The following ZC3H12B variants were observed in gnomAD, a reference collection of about 807,000 sequenced individuals.
ZC3H12B encodes zinc finger CCCH-type containing 12B, also known as probable ribonuclease ZC3H12B.
In ZC3H12B, 7 loss-of-function variants were observed where a neutral mutation model predicts 43.9. The observed-to-expected ratio is 0.16, with a 90% confidence interval of 0.09 to 0.30. The LOEUF (loss-of-function observed/expected upper bound fraction) is 0.30, where lower values mean the gene tolerates loss of function less well. Among genes scored for constraint, ZC3H12B ranks in the 10% least tolerant of loss-of-function variants. The probability of loss-of-function intolerance (pLI) is 1.00; values close to 1 mark genes in which losing one functional copy is unlikely to be tolerated. For missense variants in ZC3H12B, 475 were observed against 670.2 expected (o/e 0.71, Z 3.22); for synonymous variants, 222 against 241.7 (o/e 0.92, Z 0.76).
the ZC3H12B span, among the ~76,000 whole-genome samples, chrX:65,080,549 C>T: frequency 5.4e-5 from 6 of 110,976 alleles, no homozygotes. Context: ...TCAGTGGAAA[C>T]CTTACAGGCC....
chrX:65,129,698 T>G, the ZC3H12B span, among the ~76,000 whole-genome samples: 1 of 111,454 alleles, frequency 9.0e-6, no homozygotes, highest in South Asian at 3.7e-4. Flanking sequence ...CATTCCTGTC[T>G]TCTTGTATTA....
chrX:65,464,695 T>G (rs2067795156), intron 3 of ZC3H12B, among the ~76,000 whole-genome samples: 1 of 111,135 alleles, frequency 9.0e-6, no homozygotes, highest in Non-Finnish European at 1.9e-5. Context: ...TTTCTTAAGG[T>G]GAGTGGCTAG....
chrX:65,144,744 G>A, the ZC3H12B span, among the ~76,000 whole-genome samples: 4 of 111,259 alleles, frequency 3.6e-5, no homozygotes, highest in African/African-American at 1.3e-4. Flanking sequence ...TGATCATTCA[G>A]GAGCAGGTTA....
chrX:65,378,775 T>C (rs1332809606), intron 2 of ZC3H12B, among the ~76,000 whole-genome samples: 1 of 112,030 alleles, frequency 8.9e-6, no homozygotes, highest in African/African-American at 3.2e-5. Context: ...CAAAGCAGGG[T>C]GAGGCATTGC....
At chrX:65,156,425 T>C in the ZC3H12B span, among the ~76,000 whole-genome samples, 2 of 111,805 alleles carry the variant, frequency 1.8e-5, no homozygotes, top group African/African-American at 6.5e-5. Flanking sequence ...CCATCGCCCA[T>C]GCTGGAGTGC....
At chrX:65,037,308 G>A in the ZC3H12B span, among the ~76,000 whole-genome samples, 2 of 111,428 alleles carry the variant, frequency 1.8e-5, no homozygotes, top group African/African-American at 6.5e-5. Context: ...TACTTGATTT[G>A]GCTCTTAATA....
chrX:65,171,817 C>G, the ZC3H12B span, among the ~76,000 whole-genome samples: 1 of 111,448 alleles, frequency 9.0e-6, no homozygotes, highest in African/African-American at 3.3e-5. Context: ...GAGTGAGGCT[C>G]CATGGGCATG....
At chrX:65,487,484 G>A (rs187010128), upstream of ZC3H12B, among the ~76,000 whole-genome samples, 766 of 111,286 alleles carry the variant, frequency 6.9e-3, 10 homozygotes, top group African/African-American at 0.023. Context: ...AGGTTGCAGC[G>A]AGCTGAGCTC....
intron 3 of ZC3H12B, among the ~76,000 whole-genome samples, chrX:65,458,308 A>T (rs1432399844): frequency 9.1e-6 from 1 of 110,492 alleles, no homozygotes; most frequent in Non-Finnish European, 1.9e-5. Context: ...AATGAGACAG[A>T]AAGTTAACAA....
chrX:65,140,889 G>C, the ZC3H12B span, among the ~76,000 whole-genome samples: 1 of 111,352 alleles, frequency 9.0e-6, no homozygotes, highest in Non-Finnish European at 1.9e-5. Flanking sequence ...ATGATCCTTT[G>C]CAGTTTTATC....
At chrX:65,434,392 G>A (rs752103334) in intron 3 of ZC3H12B, among the ~76,000 whole-genome samples, 1 of 111,850 alleles carries the variant, frequency 8.9e-6, no homozygotes, top group East Asian at 2.8e-4. Context: ...TTAAAACAAG[G>A]GAGATTGGGC....
At chrX:65,163,798 G>T in the ZC3H12B span, among the ~76,000 whole-genome samples, 6 of 111,501 alleles carry the variant, frequency 5.4e-5, no homozygotes, top group Non-Finnish European at 3.8e-5. Context: ...CCACTGTCTG[G>T]CACTCCCTAG....
Position 65,476,314 on chromosome X carries a change from T to A in ZC3H12B, n.408-12332T>A, listed in dbSNP as rs761036293. Among the ~76,000 whole-genome samples, 3 of 112,327 alleles carry A rather than the reference T, an allele frequency of 2.7e-5. No individual in the cohort carries two copies. The East Asian group carries it at 8.4e-4, about 31-fold the overall frequency. ...TCTTTTTCATTCTTTTTACTTTTTG[T>A]CTTTCTAACTGGATAATTTCAATTA... On this transcript the variant is annotated intron_variant and non_coding_transcript_variant, in intron 3 of 5. Coordinates refer to the ZC3H12B transcript ENST00000617377.
the ZC3H12B span, among the ~76,000 whole-genome samples, chrX:65,324,412 G>T: frequency 1.8e-5 from 2 of 110,683 alleles, no homozygotes; most frequent in Non-Finnish European, 1.9e-5. Flanking sequence ...GTTTATTTGA[G>T]ACCTTTCTTT....
At chrX:65,145,359 C>A in the ZC3H12B span, among the ~76,000 whole-genome samples, 1 of 109,772 alleles carries the variant, frequency 9.1e-6, no homozygotes, top group Non-Finnish European at 1.9e-5. Flanking sequence ...TTGTGTGAGT[C>A]CATATGTGTT....
the ZC3H12B span, chrX:65,272,344 T>G: frequency 3.6e-5 from 4 of 110,371 alleles, no homozygotes; most frequent in Admixed American, 3.8e-4. Context: ...TTAGTGATCT[T>G]GAATTACACT....
the ZC3H12B span, among the ~76,000 whole-genome samples, chrX:65,261,007 T>C: frequency 2.1e-4 from 23 of 112,171 alleles, no homozygotes; most frequent in Admixed American, 1.9e-3. Flanking sequence ...CAGTAATATT[T>C]TCTTTCTCTG....
At chrX:65,148,171 G>T in the ZC3H12B span, among the ~76,000 whole-genome samples, 1 of 111,485 alleles carries the variant, frequency 9.0e-6, no homozygotes, top group Non-Finnish European at 1.9e-5. Flanking sequence ...CCTGGTTCCT[G>T]AGGCCAGGAG....
chrX:65,279,544 C>A, the ZC3H12B span, among the ~76,000 whole-genome samples: 1 of 110,888 alleles, frequency 9.0e-6, no homozygotes, highest in Non-Finnish European at 1.9e-5. Flanking sequence ...TGGACCCCAT[C>A]CTTAACACCA....
Sources: gnomAD v4.1 joint callset for allele counts (sites outside exome capture counted in the v4.1 genomes callset) on GRCh38, gnomAD v4.1.1 for gene constraint, MANE v1.5 for transcripts, NCBI Gene and HGNC (gene_info 2026-07-23, HGNC 2026-07-21) for gene names.